The following SPACDR variants were observed in gnomAD, a reference collection of about 807,000 sequenced individuals.
The protein encoded by SPACDR is uncharacterized protein C7orf61.
chr7:100,461,876 C>T, the SPACDR span, among the ~76,000 whole-genome samples: 24 of 150,928 alleles, frequency 1.6e-4, no homozygotes, highest in African/African-American at 4.4e-4. Context: ...GCCTGTAGTC[C>T]GAGCTACTCA....
At chr7:100,459,017 T>C in the SPACDR span, among the ~76,000 whole-genome samples, 10 of 150,280 alleles carry the variant, frequency 6.7e-5, no homozygotes, top group Admixed American at 1.3e-4. Context: ...TTTTTTTTTT[T>C]TTTTGAGACG....
the SPACDR span, among the ~76,000 whole-genome samples, chr7:100,461,313 C>T: frequency 6.6e-6 from 1 of 152,080 alleles, no homozygotes; most frequent in African/African-American, 2.4e-5. Context: ...GTCCTAACTT[C>T]AGGTGATCCA....
At chr7:100,459,096 C>T in the SPACDR span, among the ~76,000 whole-genome samples, 1 of 150,086 alleles carries the variant, frequency 6.7e-6, no homozygotes, top group African/African-American at 2.5e-5. Flanking sequence ...CTCCGCCTCC[C>T]GGGTTCACGC....
the SPACDR span, among the ~76,000 whole-genome samples, chr7:100,457,645 A>G: frequency 2.9e-5 from 3 of 103,232 alleles, no homozygotes; most frequent in Non-Finnish European, 2.0e-5. Flanking sequence ...TTTTGAGACA[A>G]GGTCTCACTC....
chr7:100,463,762 G>T, the SPACDR span: 1 of 1,362,794 alleles, frequency 7.3e-7, no homozygotes, highest in Non-Finnish European at 1.0e-6. Context: ...AGAAAAGAAG[G>T]CACAAAAGGG....
the SPACDR span, among the ~76,000 whole-genome samples, chr7:100,460,351 A>G: frequency 6.6e-6 from 1 of 151,892 alleles, no homozygotes; most frequent in African/African-American, 2.4e-5. Context: ...GTACTTTGGG[A>G]GTCTGAGGTG....
At chr7:100,456,705 C>A in the SPACDR span, 8 of 1,286,958 alleles carry the variant, frequency 6.2e-6, no homozygotes, top group Non-Finnish European at 8.5e-6. Flanking sequence ...GATATGGGAC[C>A]CCAGGTAAGA....
the SPACDR span, among the ~76,000 whole-genome samples, chr7:100,457,799 A>ATGTGTGTGTGTGTGTGTGTGTG: frequency 1.1e-4 from 5 of 45,804 alleles, no homozygotes; most frequent in Admixed American, 9.7e-4. Flanking sequence ...TTTTATATAT[A>ATGTGTGTGTGTGTGTGTGTGTG]TATATGTGTG....
the SPACDR span, chr7:100,456,890 C>A: frequency 1.2e-6 from 2 of 1,613,764 alleles, no homozygotes; most frequent in South Asian, 2.2e-5. Flanking sequence ...CGGCCCACAG[C>A]ACCAGGTACA....
chr7:100,456,862 G>A, the SPACDR span: 15 of 1,613,358 alleles, frequency 9.3e-6, no homozygotes, highest in South Asian at 3.3e-5. Context: ...CGGTACAGCC[G>A]GCGCAGGTGT....
chr7:100,457,137 T>C, the SPACDR span, among the ~76,000 whole-genome samples: 2 of 151,180 alleles, frequency 1.3e-5, no homozygotes, highest in Admixed American at 6.6e-5. Context: ...GAAAGCCTTC[T>C]CAGGTTGCAT....
At chr7:100,461,875 C>T in the SPACDR span, among the ~76,000 whole-genome samples, 1 of 151,142 alleles carries the variant, frequency 6.6e-6, no homozygotes, top group African/African-American at 2.4e-5. Context: ...TGCCTGTAGT[C>T]CGAGCTACTC....
At chr7:100,462,374 T>G in the SPACDR span, among the ~76,000 whole-genome samples, 5 of 151,694 alleles carry the variant, frequency 3.3e-5, no homozygotes, top group Non-Finnish European at 7.4e-5. Context: ...CCACCTTGCC[T>G]GGCTAATTTT....
At chr7:100,457,743 C>T in the SPACDR span, among the ~76,000 whole-genome samples, 1 of 148,708 alleles carries the variant, frequency 6.7e-6, no homozygotes, top group African/African-American at 2.5e-5. Context: ...ACCTCAGCCT[C>T]CTGAGTAGCT....
the SPACDR span, among the ~76,000 whole-genome samples, chr7:100,460,141 G>A: frequency 1.8e-3 from 280 of 151,994 alleles, 2 homozygotes; most frequent in South Asian, 7.1e-3. Flanking sequence ...CACCTGCCTC[G>A]GCCTCCCAAA....
the SPACDR span, among the ~76,000 whole-genome samples, chr7:100,461,276 C>T: frequency 6.6e-6 from 1 of 151,994 alleles, no homozygotes; most frequent in Non-Finnish European, 1.5e-5. Flanking sequence ...TTAGTAGAGA[C>T]AGGGTTTCAC....
At chr7:100,456,705 C>T in the SPACDR span, 1 of 1,286,960 alleles carries the variant, frequency 7.8e-7, no homozygotes, top group East Asian at 2.5e-5. Flanking sequence ...GATATGGGAC[C>T]CCAGGTAAGA....
At chr7:100,461,715 C>A in the SPACDR span, among the ~76,000 whole-genome samples, 1 of 151,952 alleles carries the variant, frequency 6.6e-6, no homozygotes, top group Non-Finnish European at 1.5e-5. Flanking sequence ...CCTGGCCGGG[C>A]GCAGTGGCTC....
the SPACDR span, among the ~76,000 whole-genome samples, chr7:100,457,803 A>ATGTGTGTGTGTGTGTGTGTGTGTG: frequency 9.0e-4 from 65 of 72,576 alleles, no homozygotes; most frequent in East Asian, 5.8e-3. Context: ...ATATATATAT[A>ATGTGTGTGTGTGTGTGTGTGTGTG]TGTGTGTGTG....
Sources: allele counts gnomAD v4.1 joint callset (sites outside exome capture counted in the v4.1 genomes callset), GRCh38; gene constraint gnomAD v4.1.1; transcripts MANE v1.5; gene names NCBI Gene and HGNC (gene_info 2026-07-23, HGNC 2026-07-21).